PALD1: variants seen among roughly 807,000 people sequenced by gnomAD.
The protein encoded by PALD1 is paladin.
PALD1 carries 57 observed loss-of-function variants against 96.0 expected under a neutral mutation model. That is an observed-to-expected ratio of 0.59 (90% confidence interval 0.48 to 0.74). The LOEUF is 0.74. Ranked by LOEUF, PALD1 falls within the 30% of genes least tolerant of loss-of-function variation. PALD1 has a pLI of 0.00. For missense variants in PALD1, 1,063 were observed against 1,143.7 expected (o/e 0.93, Z 1.02); for synonymous variants, 464 against 473.6 (o/e 0.98, Z 0.26).
At chr10:70,463,484 G>A in the PALD1 span, among the ~76,000 whole-genome samples, 6 of 152,090 alleles carry the variant, frequency 3.9e-5, no homozygotes, top group South Asian at 2.1e-4. Flanking sequence ...TGAGAGGAGC[G>A]TAAAGTCTCC....
chr10:70,533,324 T>TG (rs1491576381), intron 7 of PALD1, among the ~76,000 whole-genome samples: 1 of 151,620 alleles, frequency 6.6e-6, no homozygotes, highest in African/African-American at 2.4e-5. Context: ...TGTTCCTGTC[T>TG]GTGTGTCTCT....
At chr10:70,555,428 T>C (rs10823568) in intron 18 of PALD1, among the ~76,000 whole-genome samples, 80,643 of 152,034 alleles carry the variant, frequency 0.53, 22,285 homozygotes, top group Middle Eastern at 0.7. Flanking sequence ...CAGAAGCTGG[T>C]TCCCAACTCC....
chr10:70,539,821 C>G lies in PALD1; in HGVS notation c.1908+59C>G, dbSNP rs573225211. ...AGGGACAGGAGGCCTCCCTGTCTCCCCTCTGGTCTGGGCTCTGGGAGAATG... is the reference window on the plus strand; with the variant it reads ...AGGGACAGGAGGCCTCCCTGTCTCCGCTCTGGTCTGGGCTCTGGGAGAATG... On this transcript the variant is annotated intron_variant, in intron 15 of 19. Transcript: ENST00000263563. This position sits in a 1 kb window ranked among gnomAD's most constrained non-coding sequence, Gnocchi z 4.5. The G allele has an allele frequency of 2.7e-6, 4 of 1,464,168 alleles. No individual in the cohort carries two copies. In the African/African-American group the frequency reaches 5.7e-5, roughly 21 times the overall value. The allele number at this position is 1,464,168 out of a possible 1,614,324, so 90.7% of individuals were successfully genotyped here. A position where few individuals can be genotyped will look rare whatever the true frequency, so the allele number is the denominator to read the frequency against.
chr10:70,552,624 AC>A (rs5785984), intron 18 of PALD1, among the ~76,000 whole-genome samples: 38,499 of 152,008 alleles, frequency 0.25, 4,957 homozygotes, highest in African/African-American at 0.29. Flanking sequence ...ATTTTAAAGC[AC>A]ATCGCAGTCC....
chr10:70,530,899 G>A (rs1423211120), intron 4 of PALD1, among the ~76,000 whole-genome samples: 5 of 152,174 alleles, frequency 3.3e-5, no homozygotes, highest in Non-Finnish European at 2.9e-5. Flanking sequence ...TCAAACACCT[G>A]ATTTATCCAG....
At chr10:70,478,391 G>A (rs1845863038), upstream of PALD1, among the ~76,000 whole-genome samples, 1 of 152,336 alleles carries the variant, frequency 6.6e-6, no homozygotes, top group Admixed American at 6.5e-5. Flanking sequence ...AGGGAAGCCG[G>A]GCCAGCGGGT....
intron 1 of PALD1, among the ~76,000 whole-genome samples, chr10:70,480,439 C>G (rs1185375015): frequency 6.6e-6 from 1 of 152,148 alleles, no homozygotes; most frequent in Non-Finnish European, 1.5e-5. Context: ...CCTATGAGTG[C>G]AGACAGACCC....
chr10:70,519,169 T>C (rs1251471335), intron 1 of PALD1, among the ~76,000 whole-genome samples: 1 of 152,082 alleles, frequency 6.6e-6, no homozygotes, highest in African/African-American at 2.4e-5. Flanking sequence ...TCTTGAACTC[T>C]TGGGCTCAAG....
At chr10:70,462,216 G>A in the PALD1 span, among the ~76,000 whole-genome samples, 1 of 152,224 alleles carries the variant, frequency 6.6e-6, no homozygotes, top group Non-Finnish European at 1.5e-5. Flanking sequence ...ATGACTAGTA[G>A]GGAAACTGAG....
chr10:70,504,414 T>C (rs1253164667), intron 1 of PALD1, among the ~76,000 whole-genome samples: 2 of 152,106 alleles, frequency 1.3e-5, no homozygotes, highest in African/African-American at 4.8e-5. Flanking sequence ...TCTCAGCTAC[T>C]CGGGAGGCTG....
At chr10:70,460,137 G>C in the PALD1 span, among the ~76,000 whole-genome samples, 1 of 152,110 alleles carries the variant, frequency 6.6e-6, no homozygotes, top group Non-Finnish European at 1.5e-5. Context: ...CCCTTCCGCC[G>C]TCTGGGCCCC....
chr10:70,488,628 T>A (rs958793593), intron 1 of PALD1, among the ~76,000 whole-genome samples: 2 of 152,158 alleles, frequency 1.3e-5, no homozygotes. Context: ...ACTCGGTCCA[T>A]GGCTGTGGGG....
At position 70,566,619 on chromosome 10, in the gene PALD1, G is replaced by T. The variant is rs759517612; in HGVS notation, c.2457G>T (p.Glu819Asp). 1.9e-6 allele frequency: 3 copies of T among 1,611,310 alleles called. No individual in the cohort carries two copies. The highest frequency in any genetic ancestry group is 1.7e-5 in the Admixed American group (1 of 59,794). ...SKAGIYEILNELGFPELESGE... is the reference protein window; with the variant it reads ...SKAGIYEILNDLGFPELESGE... Reference sequence around the variant, plus strand: ...CTGGCATCTACGAGATCCTTAACGAGCTGGGCTTCCCCGAGCTGGAGAGCG... The same window carrying T: ...CTGGCATCTACGAGATCCTTAACGATCTGGGCTTCCCCGAGCTGGAGAGCG... Residue 819 changes from glutamate (E) to aspartate (D), a missense_variant, in exon 20 of 20, where the codon GAG becomes GAT. Coordinates refer to ENST00000263563, the MANE Select transcript of PALD1 (RefSeq NM_014431.3).
chr10:70,502,966 T>C (rs1174561151), intron 1 of PALD1, among the ~76,000 whole-genome samples: 1 of 152,138 alleles, frequency 6.6e-6, no homozygotes, highest in Non-Finnish European at 1.5e-5. Flanking sequence ...CTGCATCATC[T>C]ACCTCCTGGG....
At chr10:70,497,986 G>A (rs1022172517) in intron 1 of PALD1, among the ~76,000 whole-genome samples, 1 of 151,982 alleles carries the variant, frequency 6.6e-6, no homozygotes, top group Non-Finnish European at 1.5e-5. Flanking sequence ...ATGTCATTAA[G>A]AGCATCCATA....
chr10:70,549,470 C>T (rs918394561), intron 18 of PALD1, among the ~76,000 whole-genome samples: 7 of 152,228 alleles, frequency 4.6e-5, no homozygotes, highest in Non-Finnish European at 8.8e-5. Flanking sequence ...ATGTCCACTG[C>T]GAGGCACCCA....
chr10:70,497,130 G>T (rs1270687071), intron 1 of PALD1, among the ~76,000 whole-genome samples: 3 of 152,252 alleles, frequency 2.0e-5, no homozygotes, highest in Non-Finnish European at 4.4e-5. Flanking sequence ...TTTGCCCTAC[G>T]TGGTGGTTGG....
At chr10:70,525,675 G>A (rs539292928) in intron 1 of PALD1, among the ~76,000 whole-genome samples, 5 of 152,048 alleles carry the variant, frequency 3.3e-5, no homozygotes, top group Middle Eastern at 6.8e-3. Flanking sequence ...AAGGGGTTGG[G>A]GGCTGCATCT....
At chr10:70,518,838 C>G (rs529567375) in intron 1 of PALD1, among the ~76,000 whole-genome samples, 17 of 152,354 alleles carry the variant, frequency 1.1e-4, no homozygotes, top group African/African-American at 2.4e-4. Flanking sequence ...CCCCTGCCCC[C>G]TGGCAGACAC....
Sources: allele counts gnomAD v4.1 joint callset (sites outside exome capture counted in the v4.1 genomes callset), GRCh38; gene constraint gnomAD v4.1.1; non-coding constraint Gnocchi (gnomAD v3.1); transcripts MANE v1.5; gene names NCBI Gene and HGNC (gene_info 2026-07-23, HGNC 2026-07-21).